Variants in PRKN observed in about 807,000 individuals in gnomAD.
PRKN encodes E3 ubiquitin-protein ligase parkin.
Under a neutral mutation model 59.5 loss-of-function variants are expected in PRKN, and 56 were observed. The observed-to-expected ratio is 0.94, with a 90% CI of 0.76 to 1.18. The LOEUF (loss-of-function observed/expected upper bound fraction) is 1.18. Among genes scored for constraint, PRKN ranks in the 50% most tolerant of loss-of-function variants. PRKN has a pLI of 0.00. For missense variants in PRKN, 657 were observed against 596.4 expected (o/e 1.10, Z -1.06); for synonymous variants, 250 against 222.1 (o/e 1.13, Z -1.12).
chr6:162,393,565 C>T (rs1474435245), intron 2 of PRKN, among the ~76,000 whole-genome samples: 3 of 152,084 alleles, frequency 2.0e-5, no homozygotes, highest in East Asian at 1.9e-4. Flanking sequence ...TTTGCATGCA[C>T]GATCTTATTT....
At chr6:162,433,294 C>A (rs976451362) in intron 2 of PRKN, among the ~76,000 whole-genome samples, 3 of 152,084 alleles carry the variant, frequency 2.0e-5, no homozygotes, top group African/African-American at 7.2e-5. Flanking sequence ...AAAATAAAGA[C>A]TGGAGAGCTT....
chr6:161,913,685 T>C (rs565811327), intron 6 of PRKN, among the ~76,000 whole-genome samples: 4 of 152,318 alleles, frequency 2.6e-5, no homozygotes, highest in African/African-American at 9.6e-5. Flanking sequence ...CTTATAAACA[T>C]GATATACTCA....
chr6:161,927,153 T>G (rs1778999863), intron 6 of PRKN, among the ~76,000 whole-genome samples: 1 of 152,188 alleles, frequency 6.6e-6, no homozygotes, highest in African/African-American at 2.4e-5. Context: ...CAATGATAGT[T>G]TGTTAACCAG....
chr6:162,247,347 A>G (rs2128094132), intron 3 of PRKN, among the ~76,000 whole-genome samples: 1 of 152,306 alleles, frequency 6.6e-6, no homozygotes, highest in South Asian at 2.1e-4. Context: ...TCCCTAAAGC[A>G]AAGTGTTGTT....
intron 1 of PRKN, among the ~76,000 whole-genome samples, chr6:162,725,076 C>T (rs73011768): frequency 8.5e-5 from 13 of 152,310 alleles, no homozygotes; most frequent in Non-Finnish European, 1.5e-4. Flanking sequence ...AAGTCAAGTA[C>T]TGTCTTTATT....
At chr6:162,471,473 C>T (rs1484307203) in intron 1 of PRKN, among the ~76,000 whole-genome samples, 1 of 152,168 alleles carries the variant, frequency 6.6e-6, no homozygotes, top group African/African-American at 2.4e-5. Context: ...GACCTTTTGC[C>T]TTTATTCCCG....
intron 1 of PRKN, among the ~76,000 whole-genome samples, chr6:162,700,698 T>C (rs905793415): frequency 6.6e-6 from 1 of 152,132 alleles, no homozygotes; most frequent in South Asian, 2.1e-4. Context: ...GATAAGCTTA[T>C]GAATCTCTAC....
intron 3 of PRKN, among the ~76,000 whole-genome samples, chr6:162,253,288 C>A (rs1001984102): frequency 1.3e-5 from 2 of 150,794 alleles, no homozygotes; most frequent in Non-Finnish European, 2.9e-5. Flanking sequence ...CAAATCTAAT[C>A]TAATCTAATC....
intron 1 of PRKN, among the ~76,000 whole-genome samples, chr6:162,665,640 A>G (rs1015082392): frequency 6.6e-6 from 1 of 152,220 alleles, no homozygotes; most frequent in Non-Finnish European, 1.5e-5. Context: ...TGCTATTCCC[A>G]TAAAACTGCC....
chr6:161,843,169 G>A (rs141527039), intron 6 of PRKN, among the ~76,000 whole-genome samples: 214 of 152,180 alleles, frequency 1.4e-3, no homozygotes, highest in Non-Finnish European at 2.6e-3. Context: ...TAAGCCTCCC[G>A]TGAAGGCCCC....
In PRKN at chr6:161,372,419, T is replaced by C. The variant is rs903852452; in HGVS notation, c.1168-12214A>G. 1.3e-5 allele frequency among the ~76,000 whole-genome samples: 2 copies of C among 152,240 alleles called. No homozygotes were observed. The highest frequency in any genetic ancestry group is 2.4e-5 in the African/African-American group (1 of 41,462). On this transcript the variant is annotated intron_variant, in intron 10 of 11. Transcript: ENST00000366898. This position sits in a 1 kb window ranked among gnomAD's most constrained non-coding sequence, Gnocchi z 4.2. ...CTACCTTTTGTGCAAAGTATAGTTA[T>C]TCTGGCACAAAGTAGACTATTATTT...
chr6:162,128,842 T>A (rs1315099330), intron 4 of PRKN, among the ~76,000 whole-genome samples: 1 of 152,182 alleles, frequency 6.6e-6, no homozygotes, highest in Non-Finnish European at 1.5e-5. Flanking sequence ...TGCCCATCTA[T>A]GAGAAACTCC....
At chr6:162,174,867 T>A (rs181554628) in intron 4 of PRKN, among the ~76,000 whole-genome samples, 1 of 152,212 alleles carries the variant, frequency 6.6e-6, no homozygotes, top group South Asian at 2.1e-4. Context: ...CACTTGAAGT[T>A]AAATCAAAGG....
At chr6:161,404,168 G>A (rs1369559684) in intron 9 of PRKN, among the ~76,000 whole-genome samples, 1 of 151,998 alleles carries the variant, frequency 6.6e-6, no homozygotes, top group African/African-American at 2.4e-5. Context: ...CCCTGCACTG[G>A]GTATTTCCTT....
rs143687618 is a variant in PRKN at position 161,384,971 on chromosome 6, C to T, written c.1167+1823G>A. Among the ~76,000 whole-genome samples the T allele has an allele frequency of 2.8e-3, 428 of 152,320 alleles. 1 individual carries two copies. The highest frequency in any genetic ancestry group is 0.01 in the Middle Eastern group (3 of 294). ...GTGGGGATGGAGTCTCACTCTGTCACCAGGCTGGAGTGCAGTGGTGCGATC... is the reference window on the plus strand; with the variant it reads ...GTGGGGATGGAGTCTCACTCTGTCATCAGGCTGGAGTGCAGTGGTGCGATC... On this transcript the variant is annotated intron_variant, in intron 10 of 11. Coordinates refer to ENST00000366898, the MANE Select transcript of PRKN (RefSeq NM_004562.3).
chr6:162,630,541 C>T (rs1309674907), intron 1 of PRKN, among the ~76,000 whole-genome samples: 1 of 152,120 alleles, frequency 6.6e-6, no homozygotes, highest in African/African-American at 2.4e-5. Flanking sequence ...AACATGACTT[C>T]TATCTAGTGA....
At chr6:162,434,255 C>T (rs11961949) in intron 2 of PRKN, among the ~76,000 whole-genome samples, 41,952 of 152,046 alleles carry the variant, frequency 0.28, 6,079 homozygotes, top group African/African-American at 0.37. Flanking sequence ...GAACACTATA[C>T]TGACACCAAC....
intron 6 of PRKN, among the ~76,000 whole-genome samples, chr6:161,897,699 C>A (rs775812139): frequency 3.9e-5 from 6 of 152,096 alleles, no homozygotes; most frequent in Non-Finnish European, 8.8e-5. Flanking sequence ...CTCCCAGTTG[C>A]GGCCGGGCGC....
intron 6 of PRKN, among the ~76,000 whole-genome samples, chr6:161,935,929 A>G (rs939383928): frequency 6.6e-6 from 1 of 152,196 alleles, no homozygotes; most frequent in African/African-American, 2.4e-5. Flanking sequence ...TGTAATTTAC[A>G]CAATTCTGAG....
Sources: allele counts gnomAD v4.1 joint callset (sites outside exome capture counted in the v4.1 genomes callset), GRCh38; gene constraint gnomAD v4.1.1; non-coding constraint Gnocchi (gnomAD v3.1); transcripts MANE v1.5; gene names NCBI Gene and HGNC (gene_info 2026-07-23, HGNC 2026-07-21).